The following PCDHGA6 variants were observed in gnomAD, a reference collection of about 807,000 sequenced individuals.
The protein encoded by PCDHGA6 is protocadherin gamma subfamily A, 6, also known as protocadherin gamma-A6.
A neutral mutation model predicts 60.6 loss-of-function variants in PCDHGA6; 41 were observed. The observed-to-expected ratio is 0.68, with a 90% confidence interval of 0.53 to 0.88. PCDHGA6 has a LOEUF of 0.88. Among genes scored for constraint, PCDHGA6 ranks in the 40% least tolerant of loss-of-function variants. PCDHGA6 has a pLI of 0.00. For synonymous variants in PCDHGA6, 594 were observed against 524.4 expected (o/e 1.13, Z -1.81); for missense variants, 1,312 against 1,203.0 (o/e 1.09, Z -1.34).
chr5:141,489,431 T>C lies in PCDHGA6; in HGVS notation c.2425-5376T>C. 6.2e-7 allele frequency: 1 copy of C among 1,614,132 alleles called. No individual in the cohort carries two copies. Among genetic ancestry groups the C allele is most frequent in the Non-Finnish European group, 8.5e-7 (1 of 1,180,024 alleles). On this transcript the variant is annotated intron_variant, in intron 1 of 3. Transcript: ENST00000517434. This position sits in a 1 kb window ranked among gnomAD's most constrained non-coding sequence, Gnocchi z 4.5. ...ATGACAGATCTGTTGAGCCGGCGGC[T>C]GCAATTGGGCTCTGAGGAGAATGGG...
chr5:141,418,626 C>A (rs1237600131), intron 1 of PCDHGA6: 2 of 1,613,902 alleles, frequency 1.2e-6, no homozygotes, highest in African/African-American at 2.7e-5. Context: ...GAAGACGTGC[C>A]TCCAGGCACC....
intron 1 of PCDHGA6, among the ~76,000 whole-genome samples, chr5:141,443,780 A>G (rs1337883957): frequency 6.6e-6 from 1 of 152,202 alleles, no homozygotes; most frequent in Non-Finnish European, 1.5e-5. Flanking sequence ...TACCAAAAAG[A>G]CAAAAAAAAT....
At chr5:141,429,577 T>C (rs2097225544) in intron 1 of PCDHGA6, among the ~76,000 whole-genome samples, 2 of 152,230 alleles carry the variant, frequency 1.3e-5, no homozygotes, top group South Asian at 4.1e-4. Context: ...TTACATTTAC[T>C]TTTGATTCTT....
intron 1 of PCDHGA6, chr5:141,408,814 A>G (rs1473137465): frequency 6.8e-6 from 11 of 1,613,456 alleles, no homozygotes; most frequent in Non-Finnish European, 8.5e-6. Context: ...ACCGGGAAGA[A>G]CAGAGATCTC....
chr5:141,409,217 G>T (rs1394491727), intron 1 of PCDHGA6: 3 of 1,613,852 alleles, frequency 1.9e-6, no homozygotes, highest in Non-Finnish European at 2.5e-6. Flanking sequence ...AGAAATCCTT[G>T]ATGAAAACGA....
At chr5:141,464,657 T>G (rs575409062) in intron 1 of PCDHGA6, among the ~76,000 whole-genome samples, 1 of 152,312 alleles carries the variant, frequency 6.6e-6, no homozygotes, top group South Asian at 2.1e-4. Context: ...GGTAAAAAGA[T>G]ATCTCCAAAT....
At position 141,487,748 on chromosome 5, in the gene PCDHGA6, T is replaced by C. The variant is rs1458153935; in HGVS notation, c.2425-7059T>C. On this transcript the variant is annotated intron_variant, in intron 1 of 3. Coordinates refer to ENST00000517434, the MANE Select transcript of PCDHGA6 (RefSeq NM_018919.3). The surrounding 1 kb of genome is among the most constrained non-coding windows in gnomAD (Gnocchi z 5.0). ...TGTCACCATTTTTGTAAGAGGTAAC[T>C]ATGTGGTAGACGCTGTGCTTTGTAA... 1 of 1,557,436 alleles carries C rather than the reference T, an allele frequency of 6.4e-7. No individual in the cohort carries two copies. Among genetic ancestry groups the C allele is most frequent in the Non-Finnish European group, 8.7e-7 (1 of 1,149,514 alleles).
chr5:141,421,397 C>T, intron 1 of PCDHGA6: 1 of 1,614,030 alleles, frequency 6.2e-7, no homozygotes, highest in Non-Finnish European at 8.5e-7. Context: ...GGGCTGGAGC[C>T]CCGGGAGCTG....
At chr5:141,445,207 AAAGT>A (rs1322618652) in intron 1 of PCDHGA6, among the ~76,000 whole-genome samples, 1 of 152,196 alleles carries the variant, frequency 6.6e-6, no homozygotes, top group Non-Finnish European at 1.5e-5. Flanking sequence ...ATGCTTTTGA[AAAGT>A]AAGAGGTGCA....
rs148240637 is a variant in PCDHGA6, at chr5:141,383,750, T to A, written c.2424+7243T>A. On this transcript the variant is annotated intron_variant, in intron 1 of 3. Transcript: ENST00000517434. ...GAAGTGACATATTCTTTTCGGAAAA[T>A]AACTCCTAAACTTCCAAAGATGTTT... 1.9e-3 allele frequency: 3,008 copies of A among 1,613,910 alleles called. 48 individuals are homozygous for A. In the African/African-American group the frequency reaches 0.033, roughly 18 times the overall value.
intron 1 of PCDHGA6, among the ~76,000 whole-genome samples, chr5:141,444,838 T>G (rs2098448876): frequency 6.6e-6 from 1 of 152,214 alleles, no homozygotes; most frequent in African/African-American, 2.4e-5. Context: ...AGCTTTATAG[T>G]AAGTCTTGCT....
At position 141,398,847 on chromosome 5, in the gene PCDHGA6, G is replaced by C. The variant is rs773663002; in HGVS notation, c.2424+22340G>C. ...TAACCGACGCCAATGATAATCCCCC[G>C]GTATTCAACCGAGACGTGTACAGAG... On this transcript the variant is annotated intron_variant, in intron 1 of 3. Coordinates refer to ENST00000517434, the MANE Select transcript of PCDHGA6 (RefSeq NM_018919.3). The C allele has an allele frequency of 3.8e-5, 62 of 1,613,758 alleles. 1 individual carries two copies. In the Admixed American group the frequency reaches 1.0e-3, roughly 27 times the overall value.
intron 1 of PCDHGA6, chr5:141,414,723 C>T (rs775890033): frequency 1.9e-6 from 3 of 1,614,170 alleles, no homozygotes. Context: ...CAGACACTGG[C>T]GTCCTGTATG....
intron 1 of PCDHGA6, among the ~76,000 whole-genome samples, chr5:141,401,348 A>G (rs1312849099): frequency 2.0e-5 from 3 of 152,220 alleles, no homozygotes; most frequent in African/African-American, 4.8e-5. Flanking sequence ...ATCTCAAAAA[A>G]AAGGAAGGAG....
In PCDHGA6 at chr5:141,413,895, T is replaced by C. The variant is rs749075692; in HGVS notation, c.2424+37388T>C. On this transcript the variant is annotated intron_variant, in intron 1 of 3. Transcript: ENST00000517434. ...TCAGTGTGACTGTCTTCGATGCAAATGACAACGCGCCGGTCTTCACCTTGC... is the reference window on the plus strand; with the variant it reads ...TCAGTGTGACTGTCTTCGATGCAAACGACAACGCGCCGGTCTTCACCTTGC... 7 of 1,613,190 alleles carry C rather than the reference T, an allele frequency of 4.3e-6. No individual in the cohort carries two copies. The South Asian group carries it at 6.6e-5, about 15-fold the overall frequency.
intron 1 of PCDHGA6, chr5:141,409,866 G>A (rs1268327848): frequency 3.7e-6 from 6 of 1,612,258 alleles, no homozygotes; most frequent in East Asian, 4.5e-5. Context: ...GTGGGAGACC[G>A]CAATGACAAC....
chr5:141,478,124 T>C (rs776469996), intron 1 of PCDHGA6: 1 of 1,613,978 alleles, frequency 6.2e-7, no homozygotes, highest in South Asian at 1.1e-5. Flanking sequence ...AACCGAGGAC[T>C]CTCCTGAAGC....
At chr5:141,427,100 T>G (rs1270371842) in intron 1 of PCDHGA6, 1 of 458,010 alleles carries the variant, frequency 2.2e-6, no homozygotes, top group Non-Finnish European at 4.4e-6. Flanking sequence ...AGGGTGTCAA[T>G]GCGGAGATCA....
At chr5:141,407,978 A>T (rs1354199341) in intron 1 of PCDHGA6, 8 of 743,974 alleles carry the variant, frequency 1.1e-5, no homozygotes, top group Non-Finnish European at 1.4e-5. Flanking sequence ...GACGCCGGGG[A>T]TCCGTCAGCC....
Sources: gnomAD v4.1 joint callset for allele counts (sites outside exome capture counted in the v4.1 genomes callset) on GRCh38, gnomAD v4.1.1 for gene constraint, Gnocchi (gnomAD v3.1) non-coding constraint, MANE v1.5 for transcripts, NCBI Gene and HGNC (gene_info 2026-07-23, HGNC 2026-07-21) for gene names.